Variants in MAP3K15 observed in about 807,000 individuals in gnomAD.
The protein encoded by MAP3K15 is MAPK/ERK kinase kinase 15.
MAP3K15 carries 124 observed loss-of-function variants against 99.5 expected under a neutral mutation model. The observed-to-expected ratio is 1.25, with a 90% CI of 1.08 to 1.45. The LOEUF (loss-of-function observed/expected upper bound fraction) is 1.45, where lower values mean the gene tolerates loss of function less well. Among genes scored for constraint, MAP3K15 ranks in the 40% most tolerant of loss-of-function variants. The pLI, the probability that MAP3K15 is intolerant of heterozygous loss-of-function variation, is 0.00. For missense variants in MAP3K15, 1,242 were observed against 1,079.7 expected (o/e 1.15, Z -2.11); for synonymous variants, 494 against 439.6 (o/e 1.12, Z -1.55).
chrX:19,375,293 G>A (rs1051138429), intron 19 of MAP3K15, among the ~76,000 whole-genome samples: 3 of 111,841 alleles, frequency 2.7e-5, no homozygotes, highest in Admixed American at 1.9e-4. Flanking sequence ...GTTCCCTGAC[G>A]CACAGGGTCC....
At chrX:19,417,684 G>C (rs1365288070) in intron 9 of MAP3K15, among the ~76,000 whole-genome samples, 1 of 111,830 alleles carries the variant, frequency 8.9e-6, no homozygotes. Flanking sequence ...TGACAGCTTT[G>C]AAGAGAGTAG....
At chrX:19,490,028 T>C (rs1276987571) in intron 1 of MAP3K15, among the ~76,000 whole-genome samples, 1 of 110,040 alleles carries the variant, frequency 9.1e-6, no homozygotes, top group Non-Finnish European at 1.9e-5. Flanking sequence ...AGAGTGAGAC[T>C]CTGTCTCTAA....
chrX:19,439,044 A>C (rs2063941734), intron 6 of MAP3K15, among the ~76,000 whole-genome samples: 1 of 111,736 alleles, frequency 8.9e-6, no homozygotes, highest in Non-Finnish European at 1.9e-5. Flanking sequence ...CAAAAATACA[A>C]AAATTAGCCA....
In MAP3K15 at chrX:19,486,032, C is replaced by G. The variant is rs185733250; in HGVS notation, c.525+450G>C. 3.0e-3 allele frequency among the ~76,000 whole-genome samples: 336 copies of G among 111,770 alleles called. 6 individuals carry two copies. The highest frequency in any genetic ancestry group is 4.2e-3 in the Admixed American group (44 of 10,493). ...GGACAGAAGGAAGTAGAATTCCATC[C>G]CACTTCTTTTCCGTTTGTGGCAAGA... On this transcript the variant is annotated intron_variant, in intron 3 of 28. Coordinates refer to ENST00000338883, the MANE Select transcript of MAP3K15 (RefSeq NM_001001671.4).
At chrX:19,474,935 C>T (rs1294665098) in intron 3 of MAP3K15, among the ~76,000 whole-genome samples, 1 of 110,576 alleles carries the variant, frequency 9.0e-6, no homozygotes, top group African/African-American at 3.3e-5. Flanking sequence ...AACAGTGGTC[C>T]CCAACCTTTT....
Position 19,425,675 on chromosome X carries a change from C to G in MAP3K15, c.1295G>C (p.Ser432Thr), listed in dbSNP as rs762475082. The G allele has an allele frequency of 1.8e-5, 22 of 1,196,141 alleles. No individual in the cohort carries two copies. In the African/African-American group the frequency reaches 3.3e-4, roughly 18 times the overall value. Residue 432 changes from serine to threonine, a missense_variant, in exon 9 of 29, where the codon AGT becomes ACT. Physicochemically the swap from Ser to Thr is moderately conservative, Grantham distance 58. Transcript: ENST00000338883. Reference protein sequence around the residue: ...ELRKIGVRLNSLLGRKGSLEK... With the variant: ...ELRKIGVRLNTLLGRKGSLEK... ...CAAGCTCCCTTTTCTTCCCAACAAACTGTTCAGCCGGACACCTTAAGAATT... is the reference window on the plus strand; with the variant it reads ...CAAGCTCCCTTTTCTTCCCAACAAAGTGTTCAGCCGGACACCTTAAGAATT...
chrX:19,374,393 C>T (rs957077561), intron 20 of MAP3K15, 84 bp downstream of exon 20: 1 of 952,177 alleles, frequency 1.1e-6, no homozygotes, highest in Non-Finnish European at 1.5e-6. Context: ...ATAGCCAGAA[C>T]TCTCCCTCCT....
At chrX:19,393,613 G>A (rs1188461459) in intron 16 of MAP3K15, among the ~76,000 whole-genome samples, 1 of 106,843 alleles carries the variant, frequency 9.4e-6, no homozygotes, top group Admixed American at 1.0e-4. Flanking sequence ...TCCAGCCTGG[G>A]CAACAGACAG....
intron 5 of MAP3K15, among the ~76,000 whole-genome samples, chrX:19,459,282 A>G (rs918910863): frequency 8.9e-6 from 1 of 112,185 alleles, no homozygotes; most frequent in African/African-American, 3.2e-5. Flanking sequence ...CCTCATGTGT[A>G]AAATGTGGAT....
At chrX:19,444,959 C>T (rs955839282) in intron 6 of MAP3K15, among the ~76,000 whole-genome samples, 1 of 110,339 alleles carries the variant, frequency 9.1e-6, no homozygotes, top group African/African-American at 3.3e-5. Context: ...CAGCCCTCAA[C>T]CAGTGATGGC....
chrX:19,430,428 A>C (rs961347483), intron 7 of MAP3K15, among the ~76,000 whole-genome samples: 41 of 111,915 alleles, frequency 3.7e-4, no homozygotes, highest in Non-Finnish European at 2.8e-4. Flanking sequence ...CAGTTTTAGA[A>C]GCCAGCCCAG....
intron 1 of MAP3K15, among the ~76,000 whole-genome samples, chrX:19,493,621 C>A (rs2064382418): frequency 8.9e-6 from 1 of 111,744 alleles, no homozygotes; most frequent in African/African-American, 3.3e-5. Context: ...CTAAAGAGAG[C>A]ACCAGTTACC....
At chrX:19,365,136 G>A (rs184585827) in intron 25 of MAP3K15, among the ~76,000 whole-genome samples, 1 of 109,307 alleles carries the variant, frequency 9.1e-6, no homozygotes, top group African/African-American at 3.3e-5. Flanking sequence ...TCGAACCCAG[G>A]AGGCAGAGGT....
intron 12 of MAP3K15, among the ~76,000 whole-genome samples, 197 bp downstream of exon 12, chrX:19,409,727 T>C (rs1230273397): frequency 8.9e-6 from 1 of 112,347 alleles, no homozygotes; most frequent in South Asian, 3.7e-4. Flanking sequence ...TCTATTATAA[T>C]AACCCAAGAA....
At chrX:19,391,320 T>C (rs1455764237) in intron 18 of MAP3K15, among the ~76,000 whole-genome samples, 4 of 111,499 alleles carry the variant, frequency 3.6e-5, no homozygotes, top group African/African-American at 9.8e-5. Flanking sequence ...TCAGATAATG[T>C]GCTATTAACT....
intron 7 of MAP3K15, among the ~76,000 whole-genome samples, chrX:19,427,197 G>C (rs1431960222): frequency 2.8e-5 from 3 of 108,033 alleles, no homozygotes; most frequent in African/African-American, 6.8e-5. Context: ...ACCCAGGCTG[G>C]AGTGCAATGG....
At chrX:19,511,990 G>T (rs2064521981) in intron 1 of MAP3K15, among the ~76,000 whole-genome samples, 1 of 111,906 alleles carries the variant, frequency 8.9e-6, no homozygotes, top group Non-Finnish European at 1.9e-5. Flanking sequence ...ATGCAGCCAT[G>T]AAAAAGGATG....
intron 21 of MAP3K15, 141 bp downstream of exon 21, chrX:19,373,395 C>T (rs922478229): frequency 2.4e-5 from 17 of 706,274 alleles, no homozygotes; most frequent in South Asian, 5.8e-5. Context: ...CGGGATGGGG[C>T]GGCTCAGCTG....
chrX:19,490,653 G>T (rs183163231), intron 1 of MAP3K15, among the ~76,000 whole-genome samples: 2 of 109,971 alleles, frequency 1.8e-5, no homozygotes, highest in African/African-American at 6.6e-5. Flanking sequence ...GGAGGCTAAG[G>T]TGGGTGGATG....
Sources: allele counts gnomAD v4.1 joint callset (sites outside exome capture counted in the v4.1 genomes callset), GRCh38; gene constraint gnomAD v4.1.1; transcripts MANE v1.5; gene names NCBI Gene and HGNC (gene_info 2026-07-23, HGNC 2026-07-21).